Variants in LRFN5 observed in about 807,000 individuals in gnomAD.
LRFN5 encodes the protein leucine-rich repeat and fibronectin type-III domain-containing protein 5.
LRFN5 carries 24 observed loss-of-function variants against 45.6 expected under a neutral mutation model. The observed-to-expected ratio is 0.53, with a 90% CI of 0.38 to 0.74. The LOEUF (loss-of-function observed/expected upper bound fraction) is 0.74. Among genes scored for constraint, LRFN5 ranks in the 30% least tolerant of loss-of-function variants. The probability of loss-of-function intolerance (pLI) is 0.00; values close to 1 mark genes in which losing one functional copy is unlikely to be tolerated. For missense variants in LRFN5, 776 were observed against 861.5 expected (o/e 0.90, Z 1.24); for synonymous variants, 340 against 313.8 (o/e 1.08, Z -0.88).
intron 2 of LRFN5, among the ~76,000 whole-genome samples, chr14:41,790,329 T>C (rs1243952152): frequency 2.6e-5 from 4 of 151,872 alleles, no homozygotes; most frequent in African/African-American, 7.2e-5. Context: ...TTATTTTTTT[T>C]CTTAATATTA....
intron 1 of LRFN5, among the ~76,000 whole-genome samples, chr14:41,664,169 A>G (rs922625633): frequency 6.6e-6 from 1 of 152,070 alleles, no homozygotes; most frequent in Non-Finnish European, 1.5e-5. Context: ...AGTAAAAATT[A>G]TAATAAGAAT....
intron 2 of LRFN5, among the ~76,000 whole-genome samples, chr14:41,796,737 A>T (rs1887145838): frequency 6.6e-6 from 1 of 151,998 alleles, no homozygotes; most frequent in African/African-American, 2.4e-5. Flanking sequence ...TCTATTTAAC[A>T]ACCTCACAAG....
chr14:41,853,146 A>T (rs1594466640), intron 2 of LRFN5, among the ~76,000 whole-genome samples: 1 of 152,044 alleles, frequency 6.6e-6, no homozygotes, highest in East Asian at 1.9e-4. Flanking sequence ...AAGAATGAAG[A>T]TGGATCCATT....
intron 1 of LRFN5, among the ~76,000 whole-genome samples, chr14:41,709,310 TGGA>T (rs1883191929): frequency 6.6e-6 from 1 of 152,030 alleles, no homozygotes; most frequent in Admixed American, 6.6e-5. Flanking sequence ...TTCTTTTGAG[TGGA>T]ACTCAGAAGA....
chr14:41,774,542 T>A (rs1243708940), intron 2 of LRFN5, among the ~76,000 whole-genome samples: 1 of 152,194 alleles, frequency 6.6e-6, no homozygotes, highest in East Asian at 1.9e-4. Context: ...TGATTTGTAA[T>A]ATGAAATGAA....
At chr14:41,824,112 T>C (rs1378140359) in intron 2 of LRFN5, among the ~76,000 whole-genome samples, 1 of 152,154 alleles carries the variant, frequency 6.6e-6, no homozygotes, top group East Asian at 1.9e-4. Context: ...ACTTTCTCTC[T>C]GATCTAATTG....
chr14:41,873,392 AAG>A (rs1350595343), intron 2 of LRFN5, among the ~76,000 whole-genome samples: 1 of 146,750 alleles, frequency 6.8e-6, no homozygotes, highest in African/African-American at 2.5e-5. Flanking sequence ...AAGAGAGAGA[AAG>A]AGAGAGGAGA....
intron 2 of LRFN5, among the ~76,000 whole-genome samples, chr14:41,828,986 C>A (rs1888388235): frequency 1.3e-5 from 2 of 151,930 alleles, no homozygotes; most frequent in African/African-American, 4.8e-5. Flanking sequence ...AATCTTCCCT[C>A]TCTCTTCATT....
chr14:41,790,448 C>T (rs1001024919), intron 2 of LRFN5, among the ~76,000 whole-genome samples: 2 of 151,568 alleles, frequency 1.3e-5, no homozygotes, highest in Non-Finnish European at 3.0e-5. Context: ...CAGTTCTTAT[C>T]GCTACTATTT....
intron 1 of LRFN5, among the ~76,000 whole-genome samples, chr14:41,652,266 A>C (rs1880164058): frequency 6.6e-6 from 1 of 152,124 alleles, no homozygotes; most frequent in Non-Finnish European, 1.5e-5. Context: ...GCATGTTGAC[A>C]ATATTATATC....
chr14:41,903,831 T>C (rs544668944), intron 5 of LRFN5, among the ~76,000 whole-genome samples: 1 of 152,038 alleles, frequency 6.6e-6, no homozygotes, highest in African/African-American at 2.4e-5. Context: ...TGAAATTATA[T>C]ATGTGAAAAA....
chr14:41,670,884 AT>A (rs1594599497), intron 1 of LRFN5, among the ~76,000 whole-genome samples: 1 of 152,020 alleles, frequency 6.6e-6, no homozygotes, highest in East Asian at 1.9e-4. Flanking sequence ...TATTTCTTAT[AT>A]GTTCTATTTC....
chr14:41,662,633 G>A (rs1880708679), intron 1 of LRFN5, among the ~76,000 whole-genome samples: 1 of 151,998 alleles, frequency 6.6e-6, no homozygotes, highest in African/African-American at 2.4e-5. Context: ...CAGTTGGTCA[G>A]CAGGGCCACC....
At chr14:41,635,527 A>G (rs1022608542) in intron 1 of LRFN5, among the ~76,000 whole-genome samples, 3 of 152,182 alleles carry the variant, frequency 2.0e-5, no homozygotes, top group African/African-American at 7.2e-5. Context: ...CAGAATACTA[A>G]GCGTGCAGTA....
rs1303277170 is a variant in LRFN5, at chr14:41,891,609, G to T, written c.1745G>T (p.Ser582Ile). ...AACGGGGCTCAAATACAAGGCTGTAGTGTAACGCTGCCCCAGTCCGTGTCC... is the reference window on the plus strand; with the variant it reads ...AACGGGGCTCAAATACAAGGCTGTATTGTAACGCTGCCCCAGTCCGTGTCC... ...QTNGAQIQGC[S>I]VTLPQSVSKQ... The change falls in exon 4 of 6, where the codon AGT becomes ATT. Residue 582 changes from serine to isoleucine, a missense_variant. Around this residue, in one of 2 missense-constraint regions of LRFN5, gnomAD observed 465 missense variants for 456.4 expected, o/e 1.02. Transcript: ENST00000298119. 1.9e-6 allele frequency: 3 copies of T among 1,614,096 alleles called. No homozygotes were observed. In the African/African-American group the frequency reaches 4.0e-5, roughly 22 times the overall value.
At chr14:41,852,170 G>A (rs1252975286) in intron 2 of LRFN5, among the ~76,000 whole-genome samples, 2 of 151,704 alleles carry the variant, frequency 1.3e-5, no homozygotes, top group Non-Finnish European at 3.0e-5. Flanking sequence ...AAAGAAAAAA[G>A]TTGTTAATGC....
At chr14:41,695,990 G>A (rs1049682857) in intron 1 of LRFN5, among the ~76,000 whole-genome samples, 2 of 151,908 alleles carry the variant, frequency 1.3e-5, no homozygotes, top group African/African-American at 2.4e-5. Context: ...AACCCTTCTA[G>A]ATGTCATTAA....
At chr14:41,684,961 T>C (rs1027278092) in intron 1 of LRFN5, among the ~76,000 whole-genome samples, 1 of 152,076 alleles carries the variant, frequency 6.6e-6, no homozygotes, top group Non-Finnish European at 1.5e-5. Context: ...TAGGAAAATA[T>C]CTAAAACCTG....
At chr14:41,667,404 G>C (rs2138650163) in intron 1 of LRFN5, among the ~76,000 whole-genome samples, 1 of 152,286 alleles carries the variant, frequency 6.6e-6, no homozygotes, top group East Asian at 1.9e-4. Flanking sequence ...TAATACAGCA[G>C]CCATAGCCAT....
Sources: gnomAD v4.1 joint callset for allele counts (sites outside exome capture counted in the v4.1 genomes callset) on GRCh38, gnomAD v4.1.1 for gene constraint, gnomAD v4.1.1 regional missense constraint, MANE v1.5 for transcripts, NCBI Gene and HGNC (gene_info 2026-07-23, HGNC 2026-07-21) for gene names.